Variants in AAK1 observed in about 807,000 individuals in gnomAD.
AAK1 encodes AP2-associated protein kinase 1.
A neutral mutation model predicts 116.0 loss-of-function variants in AAK1; 37 were observed. That is an observed-to-expected ratio of 0.32 (90% CI 0.25 to 0.42). The LOEUF (loss-of-function observed/expected upper bound fraction) is 0.42, where lower values mean the gene tolerates loss of function less well. Ranked by LOEUF, AAK1 falls within the 10% of genes least tolerant of loss-of-function variation. AAK1 has a pLI of 1.00. For missense variants in AAK1, 919 were observed against 1,170.6 expected, an observed-to-expected ratio of 0.79 and a Z score of 3.14; for synonymous variants, 458 against 439.9, an observed-to-expected ratio of 1.04 and a Z score of -0.51.
intron 3 of AAK1, among the ~76,000 whole-genome samples, chr2:69,553,640 C>T (rs1430161752): frequency 2.0e-4 from 30 of 151,626 alleles, no homozygotes; most frequent in Admixed American, 3.3e-4. Context: ...CAAGGGTTTC[C>T]ACCATGTTGG....
chr2:69,566,416 C>T lies in AAK1; in HGVS notation c.164-9438G>A, dbSNP rs1671870820. Among the ~76,000 whole-genome samples, 3 of 152,106 alleles carry T rather than the reference C, an allele frequency of 2.0e-5. No homozygotes were observed. In the South Asian group the frequency reaches 6.2e-4, roughly 32 times the overall value. On this transcript the variant is annotated intron_variant, in intron 2 of 21. Coordinates refer to ENST00000409085, the MANE Select transcript of AAK1 (RefSeq NM_014911.5). ...GCTCCTTCTGGAGAACATGTCAAAG[C>T]AGTCCTTTCCCCAAGCAGATAGAAC...
chr2:69,469,941 A>C lies in AAK1; in HGVS notation c.*5928T>G. On this transcript the variant is annotated 3_prime_UTR_variant, in exon 22 of 22. Transcript: ENST00000409085. The stretch of plus-strand genomic sequence containing the variant: ...GCTTCAGGGAAGAGAAGGAGTTCCT[A>C]AAATACCTGACAACTTGGCAACTAT... 10 of 985,400 alleles carry C rather than the reference A, an allele frequency of 1.0e-5. No individual in the cohort carries two copies. The highest frequency in any genetic ancestry group is 1.2e-5 in the Non-Finnish European group (10 of 829,934). The allele number at this position is 985,400 out of a possible 1,614,324, so 61.0% of individuals were successfully genotyped here.
In AAK1 at chr2:69,597,886, T is replaced by A. The variant is rs1344970609; in HGVS notation, c.164-40908A>T. On this transcript the variant is annotated intron_variant, in intron 2 of 21. Coordinates refer to ENST00000409085, the MANE Select transcript of AAK1 (RefSeq NM_014911.5). ...AGATCGGGTCTCAAAATCAACCAAC[T>A]AACCAACCATTTCTCATCATCCCAG... is the stretch of plus-strand genomic sequence containing the variant. 1.5e-5 allele frequency: 3 copies of A among 196,678 alleles called. No homozygotes were observed. The East Asian group carries it at 3.3e-4, about 22-fold the overall frequency. The allele number at this position is 196,678 out of a possible 1,614,324, so 12.2% of individuals were successfully genotyped here.
Position 69,467,026 on chromosome 2 carries a change from A to G in AAK1, c.*8843T>C. 1.0e-6 allele frequency: 1 copy of G among 985,454 alleles called. No homozygotes were observed. 61.0% of individuals were successfully genotyped at this position (985,454 alleles called of 1,614,324 possible). Reference sequence around the variant, plus strand: ...ATGCAGAGGGACAAACTCTCTGAAAAGAAGCAGAATGTGGCTGCTTGATAA... The same window carrying G: ...ATGCAGAGGGACAAACTCTCTGAAAGGAAGCAGAATGTGGCTGCTTGATAA... On this transcript the variant is annotated 3_prime_UTR_variant, in exon 22 of 22. Coordinates refer to ENST00000409085, the MANE Select transcript of AAK1 (RefSeq NM_014911.5).
chr2:69,468,021 T>C lies in AAK1; in HGVS notation c.*7848A>G. ...CATTTTTATTTTCCTTTCTAACAGT[T>C]TGAATGCGTTCAGTGAATTCCAGAT... On this transcript the variant is annotated 3_prime_UTR_variant, in exon 22 of 22. Coordinates refer to ENST00000409085, the MANE Select transcript of AAK1 (RefSeq NM_014911.5). 1 of 985,466 alleles carries C rather than the reference T, an allele frequency of 1.0e-6. No homozygotes were observed. 61.0% of individuals were successfully genotyped at this position (985,466 alleles called of 1,614,324 possible). A position where few individuals can be genotyped will look rare whatever the true frequency, so the allele number is the denominator to read the frequency against.
In AAK1 at chr2:69,638,960, G is replaced by A. The variant is rs74742944; in HGVS notation, c.163+3918C>T. 4.1e-4 allele frequency among the ~76,000 whole-genome samples: 62 copies of A among 152,314 alleles called. 1 individual carries two copies. In the East Asian group the frequency reaches 9.6e-3, roughly 24 times the overall value. ...TACAGTGCCTGCCACAAAGAGGCAC[G>A]TACGTGTATCATATTGATACCACCA... On this transcript the variant is annotated intron_variant, in intron 2 of 21. Coordinates refer to ENST00000409085, the MANE Select transcript of AAK1 (RefSeq NM_014911.5).
intron 2 of AAK1, among the ~76,000 whole-genome samples, chr2:69,560,769 G>T (rs1671599995): frequency 6.6e-6 from 1 of 152,186 alleles, no homozygotes; most frequent in Admixed American, 6.5e-5. Flanking sequence ...CTCACCATGA[G>T]TTTAGAGGTT....
At chr2:69,591,875 A>G (rs751688143) in intron 2 of AAK1, among the ~76,000 whole-genome samples, 6 of 152,068 alleles carry the variant, frequency 3.9e-5, no homozygotes, top group Admixed American at 2.0e-4. Flanking sequence ...GGCCTGTTCT[A>G]TATTTCAAAC....
intron 2 of AAK1, among the ~76,000 whole-genome samples, chr2:69,600,485 A>T (rs1673526216): frequency 6.6e-6 from 1 of 152,128 alleles, no homozygotes; most frequent in Non-Finnish European, 1.5e-5. Flanking sequence ...ACAACTACAG[A>T]TGTGGTGAAA....
Position 69,525,751 on chromosome 2 carries a change from G to A in AAK1, c.976-639C>T, listed in dbSNP as rs76625667. Among the ~76,000 whole-genome samples the A allele has an allele frequency of 2.8e-3, 431 of 152,248 alleles. 2 individuals are homozygous for A. The highest frequency in any genetic ancestry group is 9.7e-3 in the African/African-American group (402 of 41,522). On this transcript the variant is annotated intron_variant, in intron 9 of 21. Transcript: ENST00000409085. ...CTAGCTGTCCCTAACCCTAAAACAA[G>A]TGCTTACCACTACTGAGTACCAAAT...
chr2:69,488,149 CGT>C (rs58575925), intron 17 of AAK1, among the ~76,000 whole-genome samples: 6,749 of 144,312 alleles, frequency 0.047, 431 homozygotes, highest in African/African-American at 0.15. Flanking sequence ...TGTGTGTGGA[CGT>C]GTGTGTGTGT....
At chr2:69,490,508 A>G (rs1358615142) in intron 17 of AAK1, among the ~76,000 whole-genome samples, 1 of 152,198 alleles carries the variant, frequency 6.6e-6, no homozygotes, top group Admixed American at 6.5e-5. Context: ...GACATATCCT[A>G]CAACATGAAT....
At chr2:69,546,072 T>C (rs1242055458) in intron 3 of AAK1, among the ~76,000 whole-genome samples, 1 of 150,878 alleles carries the variant, frequency 6.6e-6, no homozygotes, top group Non-Finnish European at 1.5e-5. Flanking sequence ...TTAAGAGTAC[T>C]GTTCAAGGGA....
At chr2:69,494,144 T>C (rs951792643) in intron 17 of AAK1, among the ~76,000 whole-genome samples, 3 of 152,200 alleles carry the variant, frequency 2.0e-5, no homozygotes, top group African/African-American at 7.2e-5. Context: ...TGTCTCATTT[T>C]AGTTGATCTT....
At chr2:69,527,528 A>G (rs1358061366) in intron 8 of AAK1, among the ~76,000 whole-genome samples, 2 of 152,170 alleles carry the variant, frequency 1.3e-5, no homozygotes, top group Admixed American at 1.3e-4. Flanking sequence ...AAAATAAAAT[A>G]TATAGATTGT....
intron 13 of AAK1, among the ~76,000 whole-genome samples, chr2:69,509,682 C>T (rs1441018140): frequency 1.3e-5 from 2 of 152,170 alleles, no homozygotes; most frequent in African/African-American, 4.8e-5. Flanking sequence ...TTGCCTGATA[C>T]ACATAAATTT....
At chr2:69,588,428 T>G (rs1672882556) in intron 2 of AAK1, among the ~76,000 whole-genome samples, 1 of 152,190 alleles carries the variant, frequency 6.6e-6, no homozygotes, top group Non-Finnish European at 1.5e-5. Context: ...AGTTTCCCCA[T>G]CCCTTATAGT....
intron 12 of AAK1, chr2:69,516,861 T>C (rs1362093358): frequency 6.6e-6 from 1 of 152,164 alleles, no homozygotes; most frequent in Non-Finnish European, 1.5e-5. Context: ...TAGTTGGGTG[T>C]CTGCACTAAG....
intron 3 of AAK1, among the ~76,000 whole-genome samples, chr2:69,554,746 A>T (rs1318413660): frequency 6.6e-6 from 1 of 152,252 alleles, no homozygotes; most frequent in Non-Finnish European, 1.5e-5. Flanking sequence ...TTGTAATGGC[A>T]TAGGAGTTCC....
Sources: gnomAD v4.1 joint callset for allele counts (sites outside exome capture counted in the v4.1 genomes callset) on GRCh38, gnomAD v4.1.1 for gene constraint, MANE v1.5 for transcripts, NCBI Gene and HGNC (gene_info 2026-07-23, HGNC 2026-07-21) for gene names.